RIMS2: variants seen among roughly 807,000 people sequenced by gnomAD.
RIMS2 encodes regulating synaptic membrane exocytosis 2.
Under a neutral mutation model 174.4 loss-of-function variants are expected in RIMS2, and 59 were observed. That is an observed-to-expected ratio of 0.34 (90% CI 0.27 to 0.42). The LOEUF (loss-of-function observed/expected upper bound fraction) is 0.42, where lower values mean the gene tolerates loss of function less well. RIMS2 is among the 10% of genes least tolerant of loss of function. The probability of loss-of-function intolerance (pLI) is 1.00; values close to 1 mark genes in which losing one functional copy is unlikely to be tolerated. For missense variants in RIMS2, 1,620 were observed against 1,666.3 expected, an observed-to-expected ratio of 0.97 and a Z score of 0.48; for synonymous variants, 606 against 572.5, an observed-to-expected ratio of 1.06 and a Z score of -0.84.
At chr8:104,201,102 G>A (rs560640840) in intron 19 of RIMS2, among the ~76,000 whole-genome samples, 41 of 152,230 alleles carry the variant, frequency 2.7e-4, no homozygotes, top group African/African-American at 9.6e-4. Flanking sequence ...GTACCCAATA[G>A]GTAGTTTTTT....
intron 5 of RIMS2, chr8:103,910,521 A>G: frequency 6.3e-7 from 1 of 1,587,372 alleles, no homozygotes; most frequent in Non-Finnish European, 8.5e-7. Flanking sequence ...GCATAGCCAT[A>G]GTGATAAGGT....
chr8:103,828,313 G>A (rs1356630969), intron 3 of RIMS2, among the ~76,000 whole-genome samples: 2 of 152,040 alleles, frequency 1.3e-5, no homozygotes, highest in Admixed American at 6.6e-5. Flanking sequence ...AGAACCATCC[G>A]GACTTAAAGT....
intron 1 of RIMS2, among the ~76,000 whole-genome samples, chr8:103,566,182 G>T (rs2092327120): frequency 6.6e-6 from 1 of 152,132 alleles, no homozygotes; most frequent in South Asian, 2.1e-4. Context: ...GATCTAGCTT[G>T]TCTTAACTGG....
At chr8:103,777,703 T>G (rs1272933114) in intron 3 of RIMS2, among the ~76,000 whole-genome samples, 1 of 152,068 alleles carries the variant, frequency 6.6e-6, no homozygotes, top group Admixed American at 6.6e-5. Flanking sequence ...ATTTGAAAGC[T>G]GTTAAAATAT....
chr8:103,727,000 G>A (rs1043024038), intron 2 of RIMS2, among the ~76,000 whole-genome samples: 2 of 151,476 alleles, frequency 1.3e-5, no homozygotes, highest in Non-Finnish European at 2.9e-5. Flanking sequence ...GCCTCCCAAA[G>A]TGCTGGGATT....
At chr8:103,901,376 T>A (rs933144961) in intron 4 of RIMS2, among the ~76,000 whole-genome samples, 5 of 152,108 alleles carry the variant, frequency 3.3e-5, no homozygotes, top group African/African-American at 1.2e-4. Context: ...TTTCCCTACT[T>A]TCAGGAATCT....
intron 2 of RIMS2, among the ~76,000 whole-genome samples, chr8:103,733,984 G>A (rs762096894): frequency 8.9e-5 from 13 of 146,328 alleles, no homozygotes; most frequent in Admixed American, 1.4e-4. Context: ...CTTCTATGTG[G>A]CCATCTTGCT....
chr8:103,552,289 A>G (rs1308740352), intron 1 of RIMS2, among the ~76,000 whole-genome samples: 2 of 152,214 alleles, frequency 1.3e-5, no homozygotes, highest in African/African-American at 4.8e-5. Flanking sequence ...GCCCTCAGAA[A>G]TAATACACAT....
chr8:104,107,586 A>G (rs941687368), intron 19 of RIMS2, among the ~76,000 whole-genome samples: 1 of 152,222 alleles, frequency 6.6e-6, no homozygotes, highest in Non-Finnish European at 1.5e-5. Context: ...AGCTTCCAAC[A>G]TAGTACTTCT....
intron 19 of RIMS2, among the ~76,000 whole-genome samples, chr8:104,122,710 A>G (rs1020087547): frequency 6.6e-6 from 1 of 152,170 alleles, no homozygotes; most frequent in African/African-American, 2.4e-5. Flanking sequence ...GGAAATGAGA[A>G]CAATCTATGT....
At chr8:103,654,149 G>A (rs918159201) in intron 1 of RIMS2, among the ~76,000 whole-genome samples, 6 of 151,776 alleles carry the variant, frequency 4.0e-5, no homozygotes, top group Non-Finnish European at 7.4e-5. Context: ...ATTTTGTCTT[G>A]GTTTTAAATG....
At chr8:104,024,675 T>G (rs992358641) in intron 19 of RIMS2, among the ~76,000 whole-genome samples, 5 of 152,284 alleles carry the variant, frequency 3.3e-5, no homozygotes, top group African/African-American at 9.6e-5. Context: ...ATTTCTTGCC[T>G]TTGGGGAGCT....
chr8:103,739,068 A>G (rs985527855), intron 2 of RIMS2, among the ~76,000 whole-genome samples: 3 of 152,198 alleles, frequency 2.0e-5, no homozygotes, highest in Non-Finnish European at 4.4e-5. Flanking sequence ...GGCTATAAAG[A>G]CACATGCACA....
At chr8:103,995,912 G>C (rs925724633) in intron 17 of RIMS2, among the ~76,000 whole-genome samples, 1 of 151,870 alleles carries the variant, frequency 6.6e-6, no homozygotes, top group African/African-American at 2.4e-5. Flanking sequence ...AATAAGCAAG[G>C]CTTGTAAATC....
At chr8:103,526,546 A>C (rs1440582173) in intron 1 of RIMS2, among the ~76,000 whole-genome samples, 1 of 152,232 alleles carries the variant, frequency 6.6e-6, no homozygotes, top group Non-Finnish European at 1.5e-5. Flanking sequence ...ATTTTAAAAA[A>C]TGAATCTGTT....
chr8:104,229,962 A>C (rs2099215390), intron 19 of RIMS2, among the ~76,000 whole-genome samples: 1 of 152,218 alleles, frequency 6.6e-6, no homozygotes, highest in Admixed American at 6.5e-5. Flanking sequence ...CCAAGAACAA[A>C]GGATTTGAAG....
intron 19 of RIMS2, among the ~76,000 whole-genome samples, chr8:104,141,313 A>G (rs1054048466): frequency 3.9e-5 from 6 of 152,216 alleles, no homozygotes; most frequent in African/African-American, 1.2e-4. Context: ...GAGAATTTAT[A>G]AATTCAAGAG....
chr8:103,812,887 G>T (rs895183624), intron 3 of RIMS2, among the ~76,000 whole-genome samples: 1 of 152,148 alleles, frequency 6.6e-6, no homozygotes, highest in Admixed American at 6.5e-5. Context: ...TCTCTGGACT[G>T]TCTTTCTTAT....
At chr8:104,167,474 C>T (rs943485588) in intron 19 of RIMS2, among the ~76,000 whole-genome samples, 1 of 151,932 alleles carries the variant, frequency 6.6e-6, no homozygotes, top group Non-Finnish European at 1.5e-5. Flanking sequence ...TTTGTATATC[C>T]TTTTTTGATA....
Sources: gnomAD v4.1 joint callset for allele counts (sites outside exome capture counted in the v4.1 genomes callset) on GRCh38, gnomAD v4.1.1 for gene constraint, MANE v1.5 for transcripts, NCBI Gene and HGNC (gene_info 2026-07-23, HGNC 2026-07-21) for gene names.